ELP2: variants seen among roughly 807,000 people sequenced by gnomAD.
ELP2 encodes the protein elongator complex protein 2.
In ELP2, 90 loss-of-function variants were observed where a neutral mutation model predicts 119.2. The ratio of observed to expected loss-of-function variants is 0.75; its 90% CI spans 0.64 to 0.90. The LOEUF is 0.90. Among genes scored for constraint, ELP2 ranks in the 40% least tolerant of loss-of-function variants. ELP2 has a pLI of 0.00. For missense variants in ELP2, 921 were observed against 967.8 expected (o/e 0.95, Z 0.64); for synonymous variants, 339 against 331.0 (o/e 1.02, Z -0.26).
intron 2 of ELP2, 92 bp from the exon 3 acceptor site, chr18:36,136,215 A>T: frequency 1.1e-6 from 1 of 884,106 alleles, no homozygotes; most frequent in Admixed American, 1.8e-5. Context: ...GGTAGAGGGT[A>T]CAGGGGTATT....
Position 36,161,828 on chromosome 18 carries a change from C to T in ELP2, c.1761+824C>T. 1.3e-5 allele frequency among the ~76,000 whole-genome samples: 2 copies of T among 152,102 alleles called. 1 individual carries two copies. The highest frequency in any genetic ancestry group is 2.9e-5 in the Non-Finnish European group (2 of 68,006). On this transcript the variant is annotated intron_variant, in intron 17 of 21. Transcript: ENST00000358232. ...GTGCTTCCCCTACACCCACCCCTAC[C>T]CCACTTGTTTATTCTTTGAAATGGT...
At chr18:36,143,717 T>C (rs532364456) in intron 8 of ELP2, among the ~76,000 whole-genome samples, 2 of 152,326 alleles carry the variant, frequency 1.3e-5, no homozygotes, top group South Asian at 4.1e-4. Context: ...TATTTTCCTA[T>C]TTTTATGTGA....
At chr18:36,141,501 A>T (rs866281932) in intron 6 of ELP2, 8 of 381,044 alleles carry the variant, frequency 2.1e-5, no homozygotes, top group African/African-American at 4.1e-5. Context: ...GATATAACAT[A>T]CCTACAGTGA....
At chr18:36,169,126 A>G (rs1258454763) in intron 19 of ELP2, among the ~76,000 whole-genome samples, 1 of 151,254 alleles carries the variant, frequency 6.6e-6, no homozygotes, top group Non-Finnish European at 1.5e-5. Flanking sequence ...GGGTTTCACC[A>G]TGTGGGCCAG....
rs1358163575 is a variant in ELP2, at chr18:36,138,393, G to C, written c.412G>C (p.Ala138Pro). ...GATCGTTTCTGCAGCTGCAGATTCT[G>C]CTGTTCGACTCTGGTCTAAAAAGGG... ...TLIVSAAADS[A>P]VRLWSKKGPE... Residue 138 changes from alanine to proline, a missense_variant, in exon 4 of 22, where the codon GCT (alanine) becomes CCT (proline). Ala to Pro is a conservative substitution (Grantham distance 27, BLOSUM62 -1). Transcript: ENST00000358232. 1.2e-6 allele frequency: 2 copies of C among 1,613,992 alleles called. No homozygotes were observed. The highest frequency in any genetic ancestry group is 2.7e-5 in the African/African-American group (2 of 74,914).
In ELP2 at chr18:36,176,864, AC is replaced by A. The variant is rs2091234137; in HGVS notation, c.*2227del. 6.6e-6 allele frequency: 1 copy of A among 152,126 alleles called. No homozygotes were observed. 9.4% of individuals were successfully genotyped at this position (152,126 alleles called of 1,614,324 possible). On this transcript the variant is annotated 3_prime_UTR_variant, in exon 22 of 22. Coordinates refer to ENST00000358232, the MANE Select transcript of ELP2 (RefSeq NM_018255.4). ...GGCAGTCCGTGACGCAGCCCTTGTT[AC>A]CCCAGGCTATTACTAAATGGTGGTG...
At position 36,170,075 on chromosome 18, in the gene ELP2, G is replaced by A. The variant is rs1379800122; in HGVS notation, c.2089G>A (p.Gly697Ser). 6.2e-7 allele frequency: 1 copy of A among 1,614,146 alleles called. No homozygotes were observed. The highest frequency in any genetic ancestry group is 8.5e-7 in the Non-Finnish European group (1 of 1,180,022). ...GSRDKKVVVW[G>S]ECDSTDDCIE... ...CTGTCTGTATTAGGTGGTTGTCTGG[G>A]GTGAGTGCGACTCCACTGATGACTG... Residue 697 changes from glycine to serine, a missense_variant, in exon 20 of 22, where the codon GGT becomes AGT. Physicochemically the swap from Gly to Ser is moderately conservative, Grantham distance 56. Transcript: ENST00000358232.
chr18:36,171,955 A>T (rs2091094094), intron 21 of ELP2, among the ~76,000 whole-genome samples: 1 of 152,192 alleles, frequency 6.6e-6, no homozygotes, highest in South Asian at 2.1e-4. Context: ...CCTGGGCTCA[A>T]GCAATCCTCC....
At chr18:36,152,587 T>TA (rs1292732705) in intron 11 of ELP2, among the ~76,000 whole-genome samples, 3 of 152,240 alleles carry the variant, frequency 2.0e-5, no homozygotes, top group African/African-American at 7.2e-5. Flanking sequence ...TCTGGGGTGT[T>TA]ACACTTGGCA....
intron 1 of ELP2, among the ~76,000 whole-genome samples, chr18:36,130,959 G>A (rs2089595918): frequency 6.6e-6 from 1 of 152,046 alleles, no homozygotes; most frequent in South Asian, 2.1e-4. Context: ...CTTGAGTCCA[G>A]GAGTTGGAGA....
At chr18:36,140,365 G>A (rs2089978040) in intron 5 of ELP2, among the ~76,000 whole-genome samples, 1 of 151,764 alleles carries the variant, frequency 6.6e-6, no homozygotes, top group Non-Finnish European at 1.5e-5. Context: ...TTTATTTTGG[G>A]GGATGGAGTC....
chr18:36,160,777 T>C (rs964865005), intron 16 of ELP2, among the ~76,000 whole-genome samples, 155 bp from the exon 17 acceptor site: 1 of 152,176 alleles, frequency 6.6e-6, no homozygotes, highest in African/African-American at 2.4e-5. Flanking sequence ...TCCCTGTCTT[T>C]CTCTCAAATG....
chr18:36,136,121 T>A (rs573697862), intron 2 of ELP2, among the ~76,000 whole-genome samples, 186 bp from the exon 3 acceptor site: 2 of 152,202 alleles, frequency 1.3e-5, no homozygotes, highest in East Asian at 3.9e-4. Context: ...GTAGTTTGCC[T>A]CCTAAAAGGT....
At chr18:36,154,611 A>G (rs530817813) in intron 11 of ELP2, among the ~76,000 whole-genome samples, 1 of 152,348 alleles carries the variant, frequency 6.6e-6, no homozygotes, top group South Asian at 2.1e-4. Context: ...TCAATAAATG[A>G]TGAATGGAGG....
In ELP2 at chr18:36,176,754, A is replaced by G. The variant is rs1286222077; in HGVS notation, c.*2113A>G. The G allele has an allele frequency of 6.6e-6, 1 of 152,230 alleles. No homozygotes were observed. Among genetic ancestry groups the G allele is most frequent in the East Asian group, 1.9e-4 (1 of 5,198 alleles). The allele number at this position is 152,230 out of a possible 1,614,324, so 9.4% of individuals were successfully genotyped here. A position where few individuals can be genotyped will look rare whatever the true frequency, so the allele number is the denominator to read the frequency against. On this transcript the variant is annotated 3_prime_UTR_variant, in exon 22 of 22. Transcript: ENST00000358232. ...CAATTATTATGAATTGTAGTAATTC[A>G]TAATATTGAAGCGATTCATAATATC...
chr18:36,167,294 A>AT, intron 19 of ELP2, 72 bp downstream of exon 19: 1 of 1,203,664 alleles, frequency 8.3e-7, no homozygotes, highest in Non-Finnish European at 1.2e-6. Flanking sequence ...TGAATAAAAA[A>AT]TGCATAATCC....
At chr18:36,156,694 T>A (rs1223834166) in intron 13 of ELP2, 40 bp downstream of exon 13, 2 of 1,574,760 alleles carry the variant, frequency 1.3e-6, no homozygotes, top group South Asian at 2.2e-5. Context: ...ATCTAGTCAC[T>A]TCATTTTAAA....
Position 36,136,274 on chromosome 18 carries a change from T to G in ELP2, c.218-33T>G, listed in dbSNP as rs531087532. 1.2e-5 allele frequency: 19 copies of G among 1,523,988 alleles called. No homozygotes were observed. The South Asian group carries it at 2.0e-4, about 16-fold the overall frequency. The allele number at this position is 1,523,988 out of a possible 1,614,324, so 94.4% of individuals were successfully genotyped here. A position where few individuals can be genotyped will look rare whatever the true frequency, so the allele number is the denominator to read the frequency against. ...TTTTAAAAATTGCAGAAAAAATGAA[T>G]AAAGATATTTACTGAGATATAATTT... On this transcript the variant is annotated intron_variant, in intron 2 of 21. Transcript: ENST00000358232.
At chr18:36,169,118 G>C (rs1598835580) in intron 19 of ELP2, among the ~76,000 whole-genome samples, 1 of 151,294 alleles carries the variant, frequency 6.6e-6, no homozygotes, top group East Asian at 2.0e-4. Context: ...TAGAAACGGG[G>C]TTTCACCATG....
Sources: allele counts gnomAD v4.1 joint callset (sites outside exome capture counted in the v4.1 genomes callset), GRCh38; gene constraint gnomAD v4.1.1; transcripts MANE v1.5; gene names NCBI Gene and HGNC (gene_info 2026-07-23, HGNC 2026-07-21).